The following SNTG1 variants were observed in gnomAD, a reference collection of about 807,000 sequenced individuals.
SNTG1 encodes syntrophin gamma 1, also known as gamma-1-syntrophin.
Under a neutral mutation model 74.7 loss-of-function variants are expected in SNTG1, and 39 were observed. The ratio of observed to expected loss-of-function variants is 0.52; its 90% confidence interval spans 0.40 to 0.68. SNTG1 has a LOEUF of 0.68. SNTG1 is among the 30% of genes least tolerant of loss of function. SNTG1 has a pLI of 0.00. For synonymous variants in SNTG1, 254 were observed against 217.1 expected, an observed-to-expected ratio of 1.17 and a Z score of -1.49; for missense variants, 685 against 609.5, an observed-to-expected ratio of 1.12 and a Z score of -1.30.
At chr8:50,017,967 T>C (rs1816485400) in intron 1 of SNTG1, among the ~76,000 whole-genome samples, 1 of 151,990 alleles carries the variant, frequency 6.6e-6, no homozygotes, top group Admixed American at 6.6e-5. Context: ...TAGCATTTTC[T>C]CAAGTGCACA....
chr8:50,061,516 CTCTTCTGTTTTATT>C (rs1820470951), intron 1 of SNTG1, among the ~76,000 whole-genome samples: 1 of 151,598 alleles, frequency 6.6e-6, no homozygotes, highest in Non-Finnish European at 1.5e-5. Context: ...ATTTCTTCTC[CTCTTCTGTTTTATT>C]TCTTCTACTT....
chr8:50,308,808 G>A (rs775319236), intron 2 of SNTG1, among the ~76,000 whole-genome samples: 1 of 152,106 alleles, frequency 6.6e-6, no homozygotes, highest in Non-Finnish European at 1.5e-5. Context: ...AGTCAGAAAC[G>A]CTATTTAGAC....
intron 15 of SNTG1, among the ~76,000 whole-genome samples, chr8:50,677,641 CTGTT>C (rs2095314521): frequency 6.6e-6 from 1 of 151,884 alleles, no homozygotes; most frequent in South Asian, 2.1e-4. Flanking sequence ...GATTGTAAAA[CTGTT>C]TGACCTTCCA....
chr8:50,468,294 A>C (rs1342224890), intron 8 of SNTG1, among the ~76,000 whole-genome samples: 1 of 152,042 alleles, frequency 6.6e-6, no homozygotes, highest in African/African-American at 2.4e-5. Context: ...TGCCACACAT[A>C]TAATAACATG....
At chr8:50,218,530 A>G (rs2131968878) in intron 2 of SNTG1, among the ~76,000 whole-genome samples, 1 of 152,276 alleles carries the variant, frequency 6.6e-6, no homozygotes, top group African/African-American at 2.4e-5. Flanking sequence ...AAAGTGCTTA[A>G]TAATCAGTAT....
At chr8:50,456,467 G>T (rs1311268088) in intron 8 of SNTG1, among the ~76,000 whole-genome samples, 1 of 151,956 alleles carries the variant, frequency 6.6e-6, no homozygotes, top group Non-Finnish European at 1.5e-5. Flanking sequence ...ACTGAGGGCT[G>T]CTCTCTGCTT....
chr8:50,452,502 T>C lies in SNTG1; in HGVS notation c.363+1773T>C, dbSNP rs148420964. ...ATTCTCTTTTAAAACCACATGCTGTTAGACGGAATGCAATTTGCCCTTCAG... is the reference window on the plus strand; with the variant it reads ...ATTCTCTTTTAAAACCACATGCTGTCAGACGGAATGCAATTTGCCCTTCAG... On this transcript the variant is annotated intron_variant, in intron 8 of 18. Transcript: ENST00000642720. Among the ~76,000 whole-genome samples, 318 of 152,312 alleles carry C rather than the reference T, an allele frequency of 2.1e-3. 5 individuals are homozygous for C. Among genetic ancestry groups the C allele is most frequent in the African/African-American group, 7.2e-3 (298 of 41,576 alleles).
At chr8:50,202,271 A>G (rs903550575) in intron 2 of SNTG1, among the ~76,000 whole-genome samples, 12 of 152,124 alleles carry the variant, frequency 7.9e-5, no homozygotes, top group African/African-American at 2.7e-4. Flanking sequence ...GGGTAGGGCC[A>G]TGTATCCACA....
chr8:49,944,058 T>A (rs1319434591), intron 1 of SNTG1, among the ~76,000 whole-genome samples: 6 of 152,316 alleles, frequency 3.9e-5, no homozygotes, highest in East Asian at 1.9e-4. Flanking sequence ...ATAATAATTT[T>A]AAAAAATATG....
At chr8:50,193,664 C>A (rs1304540329) in intron 2 of SNTG1, among the ~76,000 whole-genome samples, 1 of 152,018 alleles carries the variant, frequency 6.6e-6, no homozygotes, top group Non-Finnish European at 1.5e-5. Flanking sequence ...CCCTTTATTT[C>A]TTCCTTTTGT....
intron 2 of SNTG1, among the ~76,000 whole-genome samples, chr8:50,196,603 G>A (rs2083778563): frequency 6.6e-6 from 1 of 151,932 alleles, no homozygotes; most frequent in South Asian, 2.1e-4. Context: ...AGAAGAGCAA[G>A]GAGAAAAGTT....
intron 13 of SNTG1, among the ~76,000 whole-genome samples, chr8:50,634,693 T>C (rs2095027487): frequency 6.6e-6 from 1 of 152,198 alleles, no homozygotes; most frequent in African/African-American, 2.4e-5. Flanking sequence ...TTTTTGCTTG[T>C]GCACATTGGT....
intron 2 of SNTG1, among the ~76,000 whole-genome samples, chr8:50,279,675 G>A (rs1019157731): frequency 6.6e-6 from 1 of 152,154 alleles, no homozygotes; most frequent in South Asian, 2.1e-4. Flanking sequence ...ATTAAAATGT[G>A]TATATCATGC....
intron 2 of SNTG1, among the ~76,000 whole-genome samples, chr8:50,346,814 T>G (rs2091491995): frequency 6.6e-6 from 1 of 152,252 alleles, no homozygotes; most frequent in South Asian, 2.1e-4. Context: ...AGCCAAAACC[T>G]AATTCACAGC....
intron 1 of SNTG1, among the ~76,000 whole-genome samples, chr8:49,992,849 A>G (rs930961629): frequency 6.6e-6 from 1 of 152,208 alleles, no homozygotes; most frequent in African/African-American, 2.4e-5. Context: ...TATTCTTAGT[A>G]AAGTGCTCAC....
intron 15 of SNTG1, among the ~76,000 whole-genome samples, chr8:50,689,362 A>G (rs912143140): frequency 5.3e-5 from 8 of 152,112 alleles, no homozygotes; most frequent in South Asian, 2.1e-4. Context: ...GTTTTTGCCC[A>G]TTCAGTATAT....
intron 1 of SNTG1, among the ~76,000 whole-genome samples, chr8:49,961,321 A>G (rs1398371717): frequency 1.3e-5 from 2 of 152,214 alleles, no homozygotes; most frequent in African/African-American, 2.4e-5. Flanking sequence ...CTAATAAGAA[A>G]TCCATATCCC....
chr8:50,557,055 A>T (rs1243396608), intron 12 of SNTG1, among the ~76,000 whole-genome samples: 3 of 152,046 alleles, frequency 2.0e-5, no homozygotes, highest in African/African-American at 7.2e-5. Context: ...TGTACAGACA[A>T]GTTATTTACT....
chr8:50,006,383 C>A (rs942100584), intron 1 of SNTG1, among the ~76,000 whole-genome samples: 3 of 152,118 alleles, frequency 2.0e-5, no homozygotes, highest in African/African-American at 7.2e-5. Flanking sequence ...AAATTCTTGT[C>A]AGATAATTGT....
Sources: gnomAD v4.1 joint callset for allele counts (sites outside exome capture counted in the v4.1 genomes callset) on GRCh38, gnomAD v4.1.1 for gene constraint, MANE v1.5 for transcripts, NCBI Gene and HGNC (gene_info 2026-07-23, HGNC 2026-07-21) for gene names.